The following CTDSPL2 variants were observed in gnomAD, a reference collection of about 807,000 sequenced individuals.
CTDSPL2 encodes CTD small phosphatase-like protein 2.
In CTDSPL2, 5 loss-of-function variants were observed where a neutral mutation model predicts 60.0. The ratio of observed to expected loss-of-function variants is 0.08; its 90% CI spans 0.04 to 0.18. CTDSPL2 has a LOEUF of 0.18. CTDSPL2 is among the 10% of genes least tolerant of loss of function. The pLI is 1.00. For missense variants in CTDSPL2, 370 were observed against 548.8 expected (o/e 0.67, Z 3.26); for synonymous variants, 186 against 189.3 (o/e 0.98, Z 0.14).
intron 1 of CTDSPL2, among the ~76,000 whole-genome samples, chr15:44,456,881 T>TTTTTTTTTTTTTTTTG (rs2080457745): frequency 2.1e-5 from 3 of 146,112 alleles, no homozygotes; most frequent in African/African-American, 7.9e-5. Context: ...TTTTTTTGTT[T>TTTTTTTTTTTTTTTTG]TTTTTTCTTT....
chr15:44,435,236 G>A (rs1429417458), intron 1 of CTDSPL2, among the ~76,000 whole-genome samples: 4 of 134,836 alleles, frequency 3.0e-5, no homozygotes, highest in African/African-American at 5.6e-5. Context: ...TAGCCTGGGC[G>A]ACAGAGTGAG....
chr15:44,459,279 G>A (rs1168993179), intron 2 of CTDSPL2, 79 bp downstream of exon 2: 16 of 1,006,730 alleles, frequency 1.6e-5, no homozygotes, highest in Non-Finnish European at 2.3e-5. Flanking sequence ...TGTAATCCCA[G>A]CACTTTGAGA....
chr15:44,491,567 A>G (rs1483867741), intron 5 of CTDSPL2, among the ~76,000 whole-genome samples: 1 of 152,238 alleles, frequency 6.6e-6, no homozygotes, highest in Non-Finnish European at 1.5e-5. Context: ...TGTGGTGGAT[A>G]GACAGGGTAC....
At chr15:44,515,931 CTCTTTCTT>C (rs536236148) in intron 10 of CTDSPL2, among the ~76,000 whole-genome samples, 11 of 150,584 alleles carry the variant, frequency 7.3e-5, no homozygotes, top group African/African-American at 2.4e-4. Flanking sequence ...CTTTCTCTCT[CTCTTTCTT>C]TCTTTCTTTC....
intron 2 of CTDSPL2, among the ~76,000 whole-genome samples, chr15:44,480,519 A>G (rs756855118): frequency 4.6e-5 from 7 of 152,100 alleles, no homozygotes; most frequent in Non-Finnish European, 7.4e-5. Flanking sequence ...GGGGATTCAT[A>G]TATTTAAGAA....
At chr15:44,480,348 G>A (rs2081003275) in intron 2 of CTDSPL2, among the ~76,000 whole-genome samples, 2 of 152,040 alleles carry the variant, frequency 1.3e-5, no homozygotes, top group Admixed American at 1.3e-4. Context: ...GCTTATTTCT[G>A]TTTTCCTTTG....
intron 1 of CTDSPL2, among the ~76,000 whole-genome samples, chr15:44,445,318 G>A (rs1407242547): frequency 1.3e-5 from 2 of 151,976 alleles, no homozygotes; most frequent in Non-Finnish European, 2.9e-5. Context: ...CTCCCAAGTA[G>A]TTGGGACTAT....
chr15:44,482,117 G>C (rs982264635), intron 2 of CTDSPL2, among the ~76,000 whole-genome samples: 1 of 152,088 alleles, frequency 6.6e-6, no homozygotes, highest in African/African-American at 2.4e-5. Context: ...CCTTACCTGC[G>C]TAGGGATGTC....
intron 6 of CTDSPL2, 145 bp from the exon 7 acceptor site, chr15:44,496,882 G>T (rs2081310237): frequency 1.9e-6 from 1 of 516,236 alleles, no homozygotes. Flanking sequence ...ATACTAATTT[G>T]TATGTTTTCA....
At chr15:44,468,914 C>T (rs963905361) in intron 2 of CTDSPL2, among the ~76,000 whole-genome samples, 1 of 152,074 alleles carries the variant, frequency 6.6e-6, no homozygotes, top group African/African-American at 2.4e-5. Flanking sequence ...TCCCTTTGCC[C>T]GAGTATCCAT....
At chr15:44,521,289 A>T in intron 11 of CTDSPL2, 22 bp from the exon 12 acceptor site, 1 of 1,123,160 alleles carries the variant, frequency 8.9e-7, no homozygotes, top group Non-Finnish European at 1.3e-6. Flanking sequence ...AAGAGGATTT[A>T]ATTACTTATT....
At chr15:44,491,831 G>A (rs1320000962) in intron 5 of CTDSPL2, among the ~76,000 whole-genome samples, 1 of 152,136 alleles carries the variant, frequency 6.6e-6, no homozygotes, top group African/African-American at 2.4e-5. Context: ...AGGGTTGCTT[G>A]AGGTCAAGAG....
rs575932236 is a variant in CTDSPL2, at chr15:44,509,008, T to TG, written c.970-5583dup. 2.0e-3 allele frequency among the ~76,000 whole-genome samples: 303 copies of TG among 152,192 alleles called. 1 individual carries two copies. The highest frequency in any genetic ancestry group is 6.8e-3 in the African/African-American group (281 of 41,536). ...CCTAAAAAGACTCACATGTAATTTTTGGGGGGGTCATACTGTTAAAATTAT... is the reference window on the plus strand; with the variant it reads ...CCTAAAAAGACTCACATGTAATTTTTGGGGGGGGTCATACTGTTAAAATTAT... On this transcript the variant is annotated intron_variant, in intron 8 of 12. Transcript: ENST00000260327.
intron 1 of CTDSPL2, among the ~76,000 whole-genome samples, chr15:44,451,337 T>G (rs2080330958): frequency 6.6e-6 from 1 of 152,034 alleles, no homozygotes; most frequent in South Asian, 2.1e-4. Context: ...CTAGAATTCC[T>G]GGGCTCAAGC....
chr15:44,487,586 A>G (rs1173430138), intron 4 of CTDSPL2, among the ~76,000 whole-genome samples: 1 of 152,254 alleles, frequency 6.6e-6, no homozygotes, highest in African/African-American at 2.4e-5. Context: ...TCCAGGTAGA[A>G]GGAGCAGCAT....
chr15:44,474,267 G>A (rs2080869426), intron 2 of CTDSPL2, among the ~76,000 whole-genome samples: 1 of 152,134 alleles, frequency 6.6e-6, no homozygotes, highest in Non-Finnish European at 1.5e-5. Context: ...GCAGAGGGTG[G>A]ATTGCCTGAG....
At chr15:44,469,823 C>T (rs1053860261) in intron 2 of CTDSPL2, among the ~76,000 whole-genome samples, 9 of 152,058 alleles carry the variant, frequency 5.9e-5, no homozygotes, top group African/African-American at 2.2e-4. Flanking sequence ...GGTGGCCGGG[C>T]GCGGTGGCTC....
intron 10 of CTDSPL2, among the ~76,000 whole-genome samples, chr15:44,517,645 A>T (rs2081681145): frequency 6.6e-6 from 1 of 152,202 alleles, no homozygotes; most frequent in African/African-American, 2.4e-5. Flanking sequence ...TTCCTGAATG[A>T]ATAATTGGAA....
At chr15:44,456,853 C>CTTTTTTTTTTTCTTTTTTTTTTT (rs2080454432) in intron 1 of CTDSPL2, among the ~76,000 whole-genome samples, 1 of 103,986 alleles carries the variant, frequency 9.6e-6, no homozygotes, top group African/African-American at 3.6e-5. Flanking sequence ...AGTTTTAGAT[C>CTTTTTTTTTTTCTTTTTTTTTTT]TTTTTTTTTT....
Sources: gnomAD v4.1 joint callset for allele counts (sites outside exome capture counted in the v4.1 genomes callset) on GRCh38, gnomAD v4.1.1 for gene constraint, MANE v1.5 for transcripts, NCBI Gene and HGNC (gene_info 2026-07-23, HGNC 2026-07-21) for gene names.